Variants in SYNE4 observed in about 807,000 individuals in gnomAD.
SYNE4 encodes spectrin repeat containing nuclear envelope family member 4.
A neutral mutation model predicts 46.9 loss-of-function variants in SYNE4; 41 were observed. That is an observed-to-expected ratio of 0.87 (90% CI 0.68 to 1.13). The LOEUF is 1.13. SYNE4 is among the 50% of genes most tolerant of loss of function. The pLI is 0.00. For synonymous variants in SYNE4, 221 were observed against 219.5 expected, an observed-to-expected ratio of 1.01 and a Z score of -0.06; for missense variants, 492 against 514.8, an observed-to-expected ratio of 0.96 and a Z score of 0.43.
Position 36,003,490 on chromosome 19 carries a change from CAG to C in SYNE4, c.1060_1061del (p.Leu354AspfsTer?). ...GAPDPASRQP[L>X]TFLLILFLLF... Reference sequence around the variant, plus strand: ...GGAGGAAGAGGATAAGGAGGAAGGTCAGAGGCTGCCTGGATGCAGGATCGGGG... The same window carrying C: ...GGAGGAAGAGGATAAGGAGGAAGGTCAGGCTGCCTGGATGCAGGATCGGGG... On this transcript the variant is annotated frameshift_variant, in exon 8 of 8. Coordinates refer to ENST00000324444, the MANE Select transcript of SYNE4 (RefSeq NM_001039876.3). LOFTEE classifies it high-confidence loss of function. The C allele has an allele frequency of 6.2e-7, 1 of 1,605,000 alleles. No individual in the cohort carries two copies. The highest frequency in any genetic ancestry group is 8.5e-7 in the Non-Finnish European group (1 of 1,175,442).
chr19:36,005,920 G>A (rs974594402), intron 5 of SYNE4: 4 of 157,040 alleles, frequency 2.5e-5, no homozygotes, highest in Non-Finnish European at 5.6e-5. Context: ...TCGGGAGGCC[G>A]AGGTAGGAGA....
rs59182281 is a variant in SYNE4 at position 36,006,241 on chromosome 19, G to A, written c.867+182C>T. 2.0e-3 allele frequency: 1,741 copies of A among 850,036 alleles called. 25 individuals carry two copies. In the African/African-American group the frequency reaches 0.028, roughly 14 times the overall value. The allele number at this position is 850,036 out of a possible 1,614,324, so 52.7% of individuals were successfully genotyped here. ...GAGTGAATTTGAGATGGGGCTTGAG[G>A]ATGTAGACAGAGACAGACGAGAGAG... On this transcript the variant is annotated intron_variant, in intron 5 of 7. Transcript: ENST00000324444.
Position 36,005,443 on chromosome 19 carries a change from G to A in SYNE4, c.868-6C>T. On this transcript the variant is annotated splice_region_variant and splice_polypyrimidine_tract_variant and intron_variant, in intron 5 of 7. Transcript: ENST00000324444. ...GAGTGAGAGGTGTCTGCTTCCTGGA[G>A]AACCAGCAACAAAGAAAAACGTGGT... The A allele has an allele frequency of 6.2e-7, 1 of 1,613,810 alleles. No individual in the cohort carries two copies. The highest frequency in any genetic ancestry group is 8.5e-7 in the Non-Finnish European group (1 of 1,179,854).
In SYNE4 at chr19:36,006,588, C is replaced by G. The variant is rs578215240; in HGVS notation, c.702G>C (p.Gly234=). The stretch of plus-strand genomic sequence containing the variant: ...TGGGGAGGCTACTGGGTGCCCAGGG[C>G]CCCCAGACCCCACCAGGTCCTGGCC... ...SDWPGPGGVW[G]PWAPSSLPTS... Residue 234 remains glycine (G), a synonymous_variant, in exon 5 of 8, where the codon GGG becomes GGC. Coordinates refer to ENST00000324444, the MANE Select transcript of SYNE4 (RefSeq NM_001039876.3). 1.5e-5 allele frequency: 24 copies of G among 1,606,538 alleles called. No homozygotes were observed. The highest frequency in any genetic ancestry group is 2.0e-5 in the Non-Finnish European group (23 of 1,176,580).
At chr19:36,008,517 C>G in intron 1 of SYNE4, 37 bp downstream of exon 1, 3 of 1,612,628 alleles carry the variant, frequency 1.9e-6, no homozygotes, top group South Asian at 1.1e-5. Context: ...CCACGCCTAC[C>G]CTTTTGGGAA....
At position 36,007,121 on chromosome 19, in the gene SYNE4, C is replaced by T; in HGVS notation, c.423+4G>A. ...ACCCCCACATCCTGGCCTCTCCTGC[C>T]TACCTGCAGCTGCACCATCCCACTC... On this transcript the variant is annotated splice_donor_region_variant and intron_variant, in intron 3 of 7. Coordinates refer to ENST00000324444, the MANE Select transcript of SYNE4 (RefSeq NM_001039876.3). 1 of 1,597,972 alleles carries T rather than the reference C, an allele frequency of 6.3e-7. No individual in the cohort carries two copies.
At chr19:36,007,639 G>C in intron 2 of SYNE4, 2 of 979,498 alleles carry the variant, frequency 2.0e-6, no homozygotes, top group East Asian at 1.1e-4. Context: ...CACTTTGGGA[G>C]GCCGAGGCCC....
chr19:36,007,671 G>A, intron 2 of SYNE4: 1 of 856,266 alleles, frequency 1.2e-6, no homozygotes, highest in South Asian at 5.4e-5. Flanking sequence ...GAGCCCAGGA[G>A]TTCAAGACCA....
Position 36,003,767 on chromosome 19 carries a change from T to C in SYNE4, c.973-96A>G, listed in dbSNP as rs1259230321. ...GGAGTCTCACTCTTGGCACCCACGC[T>C]GGACTGCAATGGCTCAATCTCAGCT... On this transcript the variant is annotated intron_variant, in intron 6 of 7. Transcript: ENST00000324444. The C allele has an allele frequency of 2.0e-6, 3 of 1,516,706 alleles. No individual in the cohort carries two copies. In the East Asian group the frequency reaches 7.4e-5, roughly 37 times the overall value. 94.0% of individuals were successfully genotyped at this position (1,516,706 alleles called of 1,614,324 possible).
chr19:36,008,417 A>T (rs1968462968), intron 1 of SYNE4, 50 bp from the exon 2 acceptor site: 2 of 1,566,864 alleles, frequency 1.3e-6, no homozygotes, highest in Non-Finnish European at 1.7e-6. Context: ...CTCACTTTTC[A>T]GCCTACCGTC....
rs59700541 is a variant in SYNE4 at position 36,004,866 on chromosome 19, C to CTTTTTTTTT, written c.972+458_972+466dup. Among the ~76,000 whole-genome samples the CTTTTTTTTT allele has an allele frequency of 3.6e-3, 325 of 89,934 alleles. 3 individuals are homozygous for CTTTTTTTTT. Among genetic ancestry groups the CTTTTTTTTT allele is most frequent in the East Asian group, 5.3e-3 (16 of 3,004 alleles). The allele number at this position is 89,934 out of a possible 152,430, so 59.0% of individuals were successfully genotyped here. On this transcript the variant is annotated intron_variant, in intron 6 of 7. Coordinates refer to ENST00000324444, the MANE Select transcript of SYNE4 (RefSeq NM_001039876.3). The stretch of plus-strand genomic sequence containing the variant: ...GAGCCCTGATGTTATTTCTTTCTTT[C>CTTTTTTTTT]TTTTTTTTTTTTTTTTTTTTTTTTT...
chr19:36,007,542 G>A, intron 2 of SYNE4: 5 of 985,140 alleles, frequency 5.1e-6, no homozygotes, highest in Non-Finnish European at 4.8e-6. Flanking sequence ...GCGGGGCTGG[G>A]TACCCCCCAA....
At chr19:36,006,159 G>C in intron 5 of SYNE4, 1 of 444,840 alleles carries the variant, frequency 2.2e-6, no homozygotes, top group Non-Finnish European at 3.9e-6. Flanking sequence ...TGGCACTTCA[G>C]GAGAGACTGG....
chr19:36,003,839 C>T (rs1385714766), intron 6 of SYNE4, 168 bp from the exon 7 acceptor site: 1 of 457,094 alleles, frequency 2.2e-6, no homozygotes, highest in East Asian at 1.6e-4. Flanking sequence ...CCTGCCTCAG[C>T]CTCCCGAGCA....
At position 36,006,528 on chromosome 19, in the gene SYNE4, GTCCCCCGCC is replaced by G. The variant is rs1976858072; in HGVS notation, c.753_761del (p.Ala252_Asp254del). 6.2e-7 allele frequency: 1 copy of G among 1,607,148 alleles called. No individual in the cohort carries two copies. The highest frequency in any genetic ancestry group is 1.3e-5 in the African/African-American group (1 of 74,742). On this transcript the variant is annotated inframe_deletion, in exon 5 of 8. Transcript: ENST00000324444. ...GTCCCAAGGGCCCAAGGCCCCCAAT[GTCCCCCGCC>G]GGATCCCACTCCAACTCTGTGGAAG... is the stretch of plus-strand genomic sequence containing the variant.
chr19:36,006,662 C>T lies in SYNE4; in HGVS notation c.628G>A (p.Glu210Lys), dbSNP rs904754660. ...AAGTCCTGGTCCAGCGTGTTGGCCT[C>T]CTCGAACACCTGGGTCAAAGGACAG... ...QLVSYSLVFE[E>K]ANTLDQDLEV... Residue 210 changes from glutamate (E) to lysine (K), a missense_variant, in exon 5 of 8, where the codon GAG (glutamate) becomes AAG (lysine). By Grantham distance (56) the Glu-to-Lys change is moderately conservative. Coordinates refer to ENST00000324444, the MANE Select transcript of SYNE4 (RefSeq NM_001039876.3). The T allele has an allele frequency of 1.9e-6, 3 of 1,598,684 alleles. No homozygotes were observed. The highest frequency in any genetic ancestry group is 2.6e-6 in the Non-Finnish European group (3 of 1,170,550).
chr19:36,004,877 T>C (rs1976795054), intron 6 of SYNE4, among the ~76,000 whole-genome samples: 2 of 142,256 alleles, frequency 1.4e-5, no homozygotes, highest in South Asian at 4.6e-4. Flanking sequence ...TTTTTTTTTT[T>C]TTTTTTTTTT....
Position 36,003,810 on chromosome 19 carries a change from C to G in SYNE4, c.973-139G>C, listed in dbSNP as rs375701144. Reference sequence around the variant, plus strand: ...TCTCAGCTCACTGCAACCTCAGCCTCCCGGGTTCAAGCAATTCTCCTGCCT... The same window carrying G: ...TCTCAGCTCACTGCAACCTCAGCCTGCCGGGTTCAAGCAATTCTCCTGCCT... On this transcript the variant is annotated intron_variant, in intron 6 of 7. Transcript: ENST00000324444. 315 of 1,292,782 alleles carry G rather than the reference C, an allele frequency of 2.4e-4. 4 individuals carry two copies. In the East Asian group the frequency reaches 5.9e-3, roughly 24 times the overall value. The allele number at this position is 1,292,782 out of a possible 1,614,324, so 80.1% of individuals were successfully genotyped here. A position where few individuals can be genotyped will look rare whatever the true frequency, so the allele number is the denominator to read the frequency against.
chr19:36,006,948 G>A lies in SYNE4; in HGVS notation c.424-4C>T. 1 of 1,544,348 alleles carries A rather than the reference G, an allele frequency of 6.5e-7. No individual in the cohort carries two copies. The highest frequency in any genetic ancestry group is 1.2e-5 in the South Asian group (1 of 83,368). Reference sequence around the variant, plus strand: ...CTCGTAGGTCCACCTGGAGGGCCTGGGGACATATGGACATCACCCCACGCA... The same window carrying A: ...CTCGTAGGTCCACCTGGAGGGCCTGAGGACATATGGACATCACCCCACGCA... On this transcript the variant is annotated splice_polypyrimidine_tract_variant and splice_region_variant and intron_variant, in intron 3 of 7. Coordinates refer to ENST00000324444, the MANE Select transcript of SYNE4 (RefSeq NM_001039876.3).
Sources: gnomAD v4.1 joint callset for allele counts (sites outside exome capture counted in the v4.1 genomes callset) on GRCh38, gnomAD v4.1.1 for gene constraint, MANE v1.5 for transcripts, NCBI Gene and HGNC (gene_info 2026-07-23, HGNC 2026-07-21) for gene names.